Variants in CFAP91 observed in about 807,000 individuals in gnomAD.
CFAP91 encodes the protein cilia- and flagella-associated protein 91.
In CFAP91, 85 loss-of-function variants were observed where a neutral mutation model predicts 95.9. The observed-to-expected ratio is 0.89, with a 90% CI of 0.74 to 1.06. The LOEUF is 1.06. Ranked by LOEUF, CFAP91 falls within the 50% of genes least tolerant of loss-of-function variation. CFAP91 has a pLI of 0.00. For missense variants in CFAP91, 962 were observed against 943.4 expected, an observed-to-expected ratio of 1.02 and a Z score of -0.26; for synonymous variants, 335 against 327.5, an observed-to-expected ratio of 1.02 and a Z score of -0.25.
intron 5 of CFAP91, among the ~76,000 whole-genome samples, chr3:119,711,310 G>A (rs1422236051): frequency 6.6e-6 from 1 of 152,168 alleles, no homozygotes; most frequent in Non-Finnish European, 1.5e-5. Context: ...AGAAATAGCT[G>A]TAGACTTATA....
chr3:119,733,221 A>G (rs568892855), intron 9 of CFAP91, 143 bp from the exon 10 acceptor site: 4 of 714,364 alleles, frequency 5.6e-6, no homozygotes, highest in South Asian at 4.5e-5. Flanking sequence ...CATTTCAGGG[A>G]CACTTCATTC....
At chr3:119,746,851 CA>C (rs1431982668) in intron 14 of CFAP91, among the ~76,000 whole-genome samples, 1 of 152,202 alleles carries the variant, frequency 6.6e-6, no homozygotes, top group Non-Finnish European at 1.5e-5. Flanking sequence ...CATAATCCTT[CA>C]GCAGTGCTGT....
At chr3:119,714,365 C>CA (rs1265042198) in intron 5 of CFAP91, among the ~76,000 whole-genome samples, 328 of 128,490 alleles carry the variant, frequency 2.6e-3, no homozygotes, top group South Asian at 0.011. Flanking sequence ...GACTCCGTCT[C>CA]AAAAAAAAAA....
At chr3:119,724,473 T>A (rs868341044) in intron 6 of CFAP91, among the ~76,000 whole-genome samples, 2 of 152,258 alleles carry the variant, frequency 1.3e-5, no homozygotes, top group African/African-American at 4.8e-5. Flanking sequence ...TTCATAGTTA[T>A]TTTTTAAATT....
intron 5 of CFAP91, among the ~76,000 whole-genome samples, chr3:119,711,863 G>C (rs1186487613): frequency 1.3e-5 from 2 of 152,240 alleles, no homozygotes; most frequent in Non-Finnish European, 2.9e-5. Context: ...GAAGTTCATA[G>C]TAGAACAGGA....
intron 2 of CFAP91, 107 bp from the exon 3 acceptor site, chr3:119,707,297 G>A (rs894276909): frequency 1.2e-6 from 1 of 846,726 alleles, no homozygotes. Flanking sequence ...TTCTTATGCT[G>A]TATACATTGT....
At chr3:119,747,750 T>A in intron 15 of CFAP91, 61 bp from the exon 16 acceptor site, 1 of 1,420,550 alleles carries the variant, frequency 7.0e-7, no homozygotes, top group African/African-American at 1.4e-5. Context: ...CAGGAAAGCA[T>A]AAATCAGCAG....
intron 4 of CFAP91, among the ~76,000 whole-genome samples, chr3:119,709,514 A>G (rs2053435962): frequency 6.6e-6 from 1 of 152,230 alleles, no homozygotes; most frequent in African/African-American, 2.4e-5. Context: ...GCTGAAGCCC[A>G]AGTACAGGGC....
At chr3:119,745,175 A>G (rs2054197860) in intron 14 of CFAP91, among the ~76,000 whole-genome samples, 1 of 152,198 alleles carries the variant, frequency 6.6e-6, no homozygotes, top group Admixed American at 6.5e-5. Context: ...ACAGATTCAA[A>G]TATCATCCAT....
At chr3:119,736,740 T>C (rs535411669) in intron 10 of CFAP91, among the ~76,000 whole-genome samples, 5 of 152,352 alleles carry the variant, frequency 3.3e-5, no homozygotes, top group African/African-American at 1.2e-4. Context: ...TTTATGATTG[T>C]GTAACATTCC....
At chr3:119,731,028 G>C (rs982493339) in intron 8 of CFAP91, among the ~76,000 whole-genome samples, 10 of 152,278 alleles carry the variant, frequency 6.6e-5, no homozygotes, top group Admixed American at 1.3e-4. Context: ...CTTAAGGCTA[G>C]AAGTTCAAGA....
chr3:119,711,253 C>A (rs2053467237), intron 5 of CFAP91, among the ~76,000 whole-genome samples: 1 of 152,132 alleles, frequency 6.6e-6, no homozygotes, highest in Admixed American at 6.5e-5. Context: ...AGTACAGATT[C>A]CCTGCTCTCC....
chr3:119,707,994 T>C (rs2053402670), intron 3 of CFAP91, among the ~76,000 whole-genome samples: 1 of 152,066 alleles, frequency 6.6e-6, no homozygotes, highest in African/African-American at 2.4e-5. Context: ...AGAAAAAGTG[T>C]CTTTTGGCCA....
At chr3:119,715,444 C>A in intron 5 of CFAP91, 118 bp from the exon 6 acceptor site, 1 of 867,348 alleles carries the variant, frequency 1.2e-6, no homozygotes, top group Non-Finnish European at 1.9e-6. Flanking sequence ...TTGTACCTGT[C>A]AACATTTAAA....
In CFAP91 at chr3:119,705,290, G is replaced by T. The variant is rs114975381; in HGVS notation, c.125-1519G>T. Among the ~76,000 whole-genome samples, 1,112 of 152,312 alleles carry T rather than the reference G, an allele frequency of 7.3e-3. 8 individuals are homozygous for T. Among genetic ancestry groups the T allele is most frequent in the Middle Eastern group, 0.037 (11 of 294 alleles). ...AATGAATTGACTGGCCTTGGGCCAGGTTTCCACCTTGACAGAACTGTGGTG... is the reference window on the plus strand; with the variant it reads ...AATGAATTGACTGGCCTTGGGCCAGTTTTCCACCTTGACAGAACTGTGGTG... On this transcript the variant is annotated intron_variant, in intron 1 of 17. Coordinates refer to ENST00000273390, the MANE Select transcript of CFAP91 (RefSeq NM_033364.4).
At position 119,739,135 on chromosome 3, in the gene CFAP91, C is replaced by G. The variant is rs1292604806; in HGVS notation, c.1462-120C>G. On this transcript the variant is annotated intron_variant, in intron 11 of 17. Transcript: ENST00000273390. ...AGGGCAGGGACCATCTTTTATTTCT[C>G]TTTAAATCTTTTTGGCATCTAGCAC... 3.9e-6 allele frequency: 3 copies of G among 773,058 alleles called. No individual in the cohort carries two copies. The African/African-American group carries it at 5.2e-5, about 13-fold the overall frequency. 47.9% of individuals were successfully genotyped at this position (773,058 alleles called of 1,614,324 possible).
At chr3:119,761,090 G>A (rs1011342780) in intron 17 of CFAP91, among the ~76,000 whole-genome samples, 6 of 149,264 alleles carry the variant, frequency 4.0e-5, no homozygotes, top group African/African-American at 9.8e-5. Flanking sequence ...ACTAAAATTC[G>A]GTATTTTGAA....
At chr3:119,750,456 T>G (rs1459304747) in intron 16 of CFAP91, 1 of 165,588 alleles carries the variant, frequency 6.0e-6, no homozygotes, top group Non-Finnish European at 1.3e-5. Flanking sequence ...GCTCATAAAC[T>G]CATCATCAAT....
At chr3:119,740,999 G>A (rs1236980748) in intron 13 of CFAP91, among the ~76,000 whole-genome samples, 1 of 152,082 alleles carries the variant, frequency 6.6e-6, no homozygotes, top group African/African-American at 2.4e-5. Flanking sequence ...CTACAGGCAT[G>A]CACCACCATG....
Sources: allele counts gnomAD v4.1 joint callset (sites outside exome capture counted in the v4.1 genomes callset), GRCh38; gene constraint gnomAD v4.1.1; transcripts MANE v1.5; gene names NCBI Gene and HGNC (gene_info 2026-07-23, HGNC 2026-07-21).